DSCAML1: variants seen among roughly 807,000 people sequenced by gnomAD.
DSCAML1 encodes the protein DS cell adhesion molecule like 1.
A neutral mutation model predicts 200.5 loss-of-function variants in DSCAML1; 38 were observed. That is an observed-to-expected ratio of 0.19 (90% CI 0.15 to 0.25). The LOEUF is 0.25. Ranked by LOEUF, DSCAML1 falls within the 10% of genes least tolerant of loss-of-function variation. The probability of loss-of-function intolerance (pLI) is 1.00; values close to 1 mark genes in which losing one functional copy is unlikely to be tolerated. For synonymous variants in DSCAML1, 1,215 were observed against 1,165.0 expected, an observed-to-expected ratio of 1.04 and a Z score of -0.87; for missense variants, 2,223 against 2,858.8, an observed-to-expected ratio of 0.78 and a Z score of 5.07.
intron 3 of DSCAML1, among the ~76,000 whole-genome samples, chr11:117,576,289 T>C (rs2050932144): frequency 1.3e-5 from 2 of 152,172 alleles, no homozygotes; most frequent in African/African-American, 4.8e-5. Context: ...GAGGGGGTTT[T>C]TGTCCAGCGA....
chr11:117,813,705 C>T (rs78055359), intron 1 of DSCAML1, among the ~76,000 whole-genome samples: 1 of 152,076 alleles, frequency 6.6e-6, no homozygotes. Context: ...ACAATATCAC[C>T]CCTTACCACA....
At chr11:117,650,703 G>A (rs531110845) in intron 3 of DSCAML1, among the ~76,000 whole-genome samples, 15 of 149,762 alleles carry the variant, frequency 1.0e-4, no homozygotes, top group Non-Finnish European at 1.9e-4. Flanking sequence ...GTGTGTGTGC[G>A]TGTGTGTGTG....
intron 3 of DSCAML1, among the ~76,000 whole-genome samples, chr11:117,702,620 G>A (rs754255916): frequency 6.6e-5 from 10 of 151,984 alleles, no homozygotes; most frequent in African/African-American, 1.2e-4. Flanking sequence ...ATTGCCTGGC[G>A]CATAGTAGGT....
intron 3 of DSCAML1, among the ~76,000 whole-genome samples, chr11:117,602,554 T>C (rs905572579): frequency 6.6e-6 from 1 of 151,784 alleles, no homozygotes; most frequent in Non-Finnish European, 1.5e-5. Flanking sequence ...AGAGATGGAG[T>C]TTCACCATGT....
chr11:117,429,486 C>T (rs1449920323), intron 32 of DSCAML1, among the ~76,000 whole-genome samples: 2 of 121,018 alleles, frequency 1.7e-5, no homozygotes, highest in Non-Finnish European at 3.9e-5. Flanking sequence ...TCACTGCAAC[C>T]TCCGCTTCCC....
intron 1 of DSCAML1, among the ~76,000 whole-genome samples, chr11:117,785,399 C>A (rs1253511498): frequency 6.6e-6 from 1 of 152,146 alleles, no homozygotes; most frequent in African/African-American, 2.4e-5. Context: ...AGGGGGGGCA[C>A]TCCCAGAGAA....
At chr11:117,482,195 G>A in intron 11 of DSCAML1, 33 bp from the exon 12 acceptor site, 1 of 1,611,984 alleles carries the variant, frequency 6.2e-7, no homozygotes, top group African/African-American at 1.3e-5. Context: ...GCCCAGTGAA[G>A]GTCGGGAGAC....
intron 1 of DSCAML1, among the ~76,000 whole-genome samples, chr11:117,814,815 C>A (rs556870877): frequency 2.6e-5 from 4 of 152,320 alleles, no homozygotes; most frequent in Non-Finnish European, 5.9e-5. Context: ...CCCCCTCCTG[C>A]CCCCTGGGGC....
At chr11:117,618,678 A>G (rs1232830803) in intron 3 of DSCAML1, among the ~76,000 whole-genome samples, 1 of 152,186 alleles carries the variant, frequency 6.6e-6, no homozygotes, top group Non-Finnish European at 1.5e-5. Context: ...GTTTAAAAAA[A>G]AAAAATCTGT....
In DSCAML1 at chr11:117,465,075, G is replaced by T; in HGVS notation, c.3132C>A (p.Ala1044=). Residue 1044 remains alanine, a synonymous_variant, in exon 17 of 33, where the codon GCC becomes GCA. Transcript: ENST00000651296. Reference sequence around the variant, plus strand: ...GGGTGTAGACCTCGCTGTCCCCCGTGGCCTTCATCTCCACGATGCTGTACT... The same window carrying T: ...GGGTGTAGACCTCGCTGTCCCCCGTTGCCTTCATCTCCACGATGCTGTACT... The part of the protein sequence containing the change: ...NGQYSIVEMK[A]TGDSEVYTLD... 1.9e-6 allele frequency: 3 copies of T among 1,599,676 alleles called. No homozygotes were observed. The highest frequency in any genetic ancestry group is 2.6e-6 in the Non-Finnish European group (3 of 1,173,794).
chr11:117,435,374 T>C (rs1156833463), intron 27 of DSCAML1, among the ~76,000 whole-genome samples: 1 of 152,212 alleles, frequency 6.6e-6, no homozygotes, highest in African/African-American at 2.4e-5. Context: ...TGTTTAAATA[T>C]TTAACAATCA....
chr11:117,705,595 G>A (rs1025618591), intron 3 of DSCAML1, among the ~76,000 whole-genome samples: 1 of 152,152 alleles, frequency 6.6e-6, no homozygotes, highest in African/African-American at 2.4e-5. Flanking sequence ...GAAAATTGAG[G>A]CTCAGAAAGA....
In DSCAML1 at chr11:117,437,265, T is replaced by C. The variant is rs2047938205; in HGVS notation, c.4577A>G (p.Gln1526Arg). Residue 1526 changes from glutamine to arginine, a missense_variant, in exon 26 of 33, where the codon CAG becomes CGG. By Grantham distance (43) the Gln-to-Arg change is conservative. This residue lies in a region of DSCAML1 where 614 missense variants were observed against 739.1 expected (regional missense o/e 0.83). Coordinates refer to ENST00000651296, the MANE Select transcript of DSCAML1 (RefSeq NM_020693.4). This position sits in a 1 kb window ranked among gnomAD's most constrained non-coding sequence, Gnocchi z 5.3. Reference sequence around the variant, plus strand: ...CCCGGAGCTGTTGGCCCGGAGGCCCTGCCAGGCCCAGGTCCCCTTGGGCCG... The same window carrying C: ...CCCGGAGCTGTTGGCCCGGAGGCCCCGCCAGGCCCAGGTCCCCTTGGGCCG... ...EYRPKGTWAWQGLRANSSGEV... is the reference protein window; with the variant it reads ...EYRPKGTWAWRGLRANSSGEV... 2 of 1,614,224 alleles carry C rather than the reference T, an allele frequency of 1.2e-6. No individual in the cohort carries two copies. Among genetic ancestry groups the C allele is most frequent in the Non-Finnish European group, 1.7e-6 (2 of 1,180,044 alleles).
At chr11:117,467,180 C>T (rs2048595775) in intron 16 of DSCAML1, among the ~76,000 whole-genome samples, 2 of 145,466 alleles carry the variant, frequency 1.4e-5, no homozygotes, top group Admixed American at 1.4e-4. Flanking sequence ...CGCACGCATG[C>T]GCGTGCACAC....
Position 117,504,824 on chromosome 11 carries a change from G to C in DSCAML1, c.2182+100C>G, listed in dbSNP as rs1034404198. On this transcript the variant is annotated intron_variant, in intron 10 of 32. Coordinates refer to ENST00000651296, the MANE Select transcript of DSCAML1 (RefSeq NM_020693.4). This position sits in a 1 kb window ranked among gnomAD's most constrained non-coding sequence, Gnocchi z 5.0. The stretch of plus-strand genomic sequence containing the variant: ...GCAGACCAGAGGACTCCCATCCAGG[G>C]ATAGGAGTTGCCTGCATGGAACAGG... 1 of 1,454,754 alleles carries C rather than the reference G, an allele frequency of 6.9e-7. No individual in the cohort carries two copies. Among genetic ancestry groups the C allele is most frequent in the South Asian group, 1.6e-5 (1 of 61,756 alleles). The allele number at this position is 1,454,754 out of a possible 1,614,324, so 90.1% of individuals were successfully genotyped here. A position where few individuals can be genotyped will look rare whatever the true frequency, so the allele number is the denominator to read the frequency against.
intron 3 of DSCAML1, among the ~76,000 whole-genome samples, chr11:117,592,723 C>T (rs1166895513): frequency 6.6e-6 from 1 of 152,246 alleles, no homozygotes; most frequent in African/African-American, 2.4e-5. Context: ...CCATCATTGG[C>T]CTCATTTTTC....
chr11:117,606,459 TCTTTCA>T (rs2051568414), intron 3 of DSCAML1, among the ~76,000 whole-genome samples: 1 of 152,212 alleles, frequency 6.6e-6, no homozygotes, highest in Admixed American at 6.5e-5. Context: ...AAACCCCACT[TCTTTCA>T]CTTTCACCCA....
chr11:117,809,058 G>A lies in DSCAML1; in HGVS notation c.-250+8332C>T, dbSNP rs115742683. On this transcript the variant is annotated intron_variant, in intron 1 of 2. Coordinates refer to the DSCAML1 transcript ENST00000525836. ...GCAGCTCCGTCACTGCCCCGCCCCTGCTTCATATCATTTCCACTGCGAAGC... is the reference window on the plus strand; with the variant it reads ...GCAGCTCCGTCACTGCCCCGCCCCTACTTCATATCATTTCCACTGCGAAGC... 7.5e-3 allele frequency among the ~76,000 whole-genome samples: 1,138 copies of A among 152,318 alleles called. 14 individuals are homozygous for A. The highest frequency in any genetic ancestry group is 0.026 in the African/African-American group (1,074 of 41,564).
chr11:117,809,200 G>T (rs1172959069), intron 1 of DSCAML1, among the ~76,000 whole-genome samples: 2 of 152,284 alleles, frequency 1.3e-5, no homozygotes, highest in Non-Finnish European at 2.9e-5. Flanking sequence ...CTCAGGAGAA[G>T]TCTTGCCTCA....
Sources: gnomAD v4.1 joint callset for allele counts (sites outside exome capture counted in the v4.1 genomes callset) on GRCh38, gnomAD v4.1.1 for gene constraint, gnomAD v4.1.1 regional missense constraint, Gnocchi (gnomAD v3.1) non-coding constraint, MANE v1.5 for transcripts, NCBI Gene and HGNC (gene_info 2026-07-23, HGNC 2026-07-21) for gene names.